CADM2: variants seen among roughly 807,000 people sequenced by gnomAD.
CADM2 encodes immunoglobulin superfamily member 4D.
In CADM2, 12 loss-of-function variants were observed where a neutral mutation model predicts 49.8. That is an observed-to-expected ratio of 0.24 (90% confidence interval 0.15 to 0.39). The LOEUF (loss-of-function observed/expected upper bound fraction) is 0.39. Ranked by LOEUF, CADM2 falls within the 10% of genes least tolerant of loss-of-function variation. The probability of loss-of-function intolerance (pLI) is 1.00; values close to 1 mark genes in which losing one functional copy is unlikely to be tolerated. For synonymous variants in CADM2, 214 were observed against 175.4 expected (o/e 1.22, Z -1.74); for missense variants, 378 against 492.3 (o/e 0.77, Z 2.20).
At chr3:85,233,553 A>G (rs2042345951) in intron 1 of CADM2, among the ~76,000 whole-genome samples, 1 of 152,198 alleles carries the variant, frequency 6.6e-6, no homozygotes, top group African/African-American at 2.4e-5. Flanking sequence ...AAAGTAAAAT[A>G]TATTAAAATA....
intron 3 of CADM2, among the ~76,000 whole-genome samples, chr3:85,877,962 T>A (rs941258057): frequency 9.2e-5 from 14 of 152,042 alleles, no homozygotes; most frequent in South Asian, 2.1e-4. Flanking sequence ...TAAATGTTTT[T>A]TCCTTATTCT....
intron 1 of CADM2, among the ~76,000 whole-genome samples, chr3:85,612,389 C>A (rs1271491015): frequency 1.3e-5 from 2 of 151,592 alleles, no homozygotes; most frequent in East Asian, 3.9e-4. Context: ...CATTTTCTTG[C>A]AAAATAAGGA....
intron 1 of CADM2, among the ~76,000 whole-genome samples, chr3:85,671,072 G>A (rs895728547): frequency 2.0e-5 from 3 of 152,162 alleles, no homozygotes; most frequent in African/African-American, 7.2e-5. Context: ...CATAGCCAAA[G>A]TGGGCATTAA....
At chr3:85,487,384 G>A (rs2039462593) in intron 1 of CADM2, among the ~76,000 whole-genome samples, 1 of 152,044 alleles carries the variant, frequency 6.6e-6, no homozygotes. Flanking sequence ...AAATAAACCG[G>A]ACATGGTGGT....
chr3:85,387,899 C>A (rs998025297), intron 1 of CADM2, among the ~76,000 whole-genome samples: 7 of 152,108 alleles, frequency 4.6e-5, no homozygotes, highest in Admixed American at 3.3e-4. Context: ...AATATAGTTC[C>A]TTTGCTTTAA....
intron 1 of CADM2, among the ~76,000 whole-genome samples, chr3:85,101,286 C>T (rs1324251613): frequency 6.6e-6 from 1 of 151,948 alleles, no homozygotes; most frequent in Non-Finnish European, 1.5e-5. Flanking sequence ...AACAAATCAA[C>T]TTACTAGTTA....
chr3:85,793,900 A>G (rs2071477629), intron 2 of CADM2, among the ~76,000 whole-genome samples: 1 of 152,210 alleles, frequency 6.6e-6, no homozygotes, highest in Admixed American at 6.5e-5. Flanking sequence ...AAGAAAAGGT[A>G]AAATACTTTC....
chr3:85,358,774 A>G (rs1259887547), intron 1 of CADM2, among the ~76,000 whole-genome samples: 1 of 152,186 alleles, frequency 6.6e-6, no homozygotes, highest in Non-Finnish European at 1.5e-5. Flanking sequence ...ATTGTAAATT[A>G]AGAGTATAAT....
chr3:85,451,665 A>T (rs1442005217), intron 1 of CADM2, among the ~76,000 whole-genome samples: 1 of 152,118 alleles, frequency 6.6e-6, no homozygotes, highest in Non-Finnish European at 1.5e-5. Context: ...GTAATTTATT[A>T]GTTAGTGAGT....
chr3:85,229,734 C>T (rs1401848818), intron 1 of CADM2, among the ~76,000 whole-genome samples: 2 of 152,278 alleles, frequency 1.3e-5, no homozygotes, highest in Middle Eastern at 3.4e-3. Context: ...GGCAGATACC[C>T]TAGCAAAAGT....
intron 3 of CADM2, among the ~76,000 whole-genome samples, chr3:85,880,044 G>A (rs1002421881): frequency 2.0e-5 from 3 of 151,968 alleles, no homozygotes; most frequent in African/African-American, 4.8e-5. Flanking sequence ...GCAACCAAAC[G>A]CTGTTCTCTA....
intron 3 of CADM2, among the ~76,000 whole-genome samples, chr3:85,875,480 C>A (rs1249629379): frequency 6.6e-6 from 1 of 152,084 alleles, no homozygotes; most frequent in East Asian, 1.9e-4. Context: ...TGTAAGCTTT[C>A]TTATAGTTTA....
chr3:85,981,107 C>T (rs559250081), intron 8 of CADM2, among the ~76,000 whole-genome samples: 13 of 150,660 alleles, frequency 8.6e-5, no homozygotes, highest in South Asian at 6.3e-4. Context: ...TGTGGTCTTC[C>T]GGTCTTTTGA....
At chr3:85,980,521 G>T (rs1241377601) in intron 8 of CADM2, among the ~76,000 whole-genome samples, 1 of 151,492 alleles carries the variant, frequency 6.6e-6, no homozygotes, top group African/African-American at 2.4e-5. Context: ...CTCAGAAATA[G>T]CTAGGTATGT....
At chr3:85,023,894 C>A (rs1402286367) in intron 1 of CADM2, among the ~76,000 whole-genome samples, 2 of 151,910 alleles carry the variant, frequency 1.3e-5, no homozygotes, top group East Asian at 3.9e-4. Flanking sequence ...CAGAACAGAT[C>A]ATTTATTATT....
intron 1 of CADM2, among the ~76,000 whole-genome samples, chr3:85,179,935 A>G (rs562341382): frequency 6.6e-6 from 1 of 152,250 alleles, no homozygotes; most frequent in African/African-American, 2.4e-5. Context: ...ATAGTCCCAT[A>G]AATATTTACT....
At chr3:85,295,342 G>T (rs2043929405) in intron 1 of CADM2, among the ~76,000 whole-genome samples, 1 of 152,108 alleles carries the variant, frequency 6.6e-6, no homozygotes, top group Non-Finnish European at 1.5e-5. Context: ...CACTGTTGGT[G>T]GGACTGTAAA....
chr3:85,184,934 T>C (rs575561293), intron 1 of CADM2, among the ~76,000 whole-genome samples: 1 of 152,234 alleles, frequency 6.6e-6, no homozygotes, highest in African/African-American at 2.4e-5. Context: ...TGCTTTAAAT[T>C]AAGGCAAAGC....
intron 1 of CADM2, among the ~76,000 whole-genome samples, chr3:85,148,819 A>G (rs7643802): frequency 0.11 from 16,095 of 152,188 alleles, 1,843 homozygotes; most frequent in African/African-American, 0.28. Context: ...TTCATTAAGT[A>G]TAAGCTGATA....
Sources: gnomAD v4.1 joint callset for allele counts (sites outside exome capture counted in the v4.1 genomes callset) on GRCh38, gnomAD v4.1.1 for gene constraint, MANE v1.5 for transcripts, NCBI Gene and HGNC (gene_info 2026-07-23, HGNC 2026-07-21) for gene names.